Variants in SIN3A observed in about 807,000 individuals in gnomAD.
SIN3A encodes the protein SIN3 transcription regulator family member A, also known as paired amphipathic helix protein Sin3a.
In SIN3A, 14 loss-of-function variants were observed where a neutral mutation model predicts 146.1. The ratio of observed to expected loss-of-function variants is 0.10; its 90% confidence interval spans 0.06 to 0.15. The LOEUF (loss-of-function observed/expected upper bound fraction) is 0.15. Ranked by LOEUF, SIN3A falls within the 10% of genes least tolerant of loss-of-function variation. The pLI is 1.00. For synonymous variants in SIN3A, 572 were observed against 572.0 expected (o/e 1.00, Z 0.00); for missense variants, 1,028 against 1,576.0 (o/e 0.65, Z 5.89).
chr15:75,435,818 A>G (rs2074098101), intron 1 of SIN3A, among the ~76,000 whole-genome samples: 1 of 152,196 alleles, frequency 6.6e-6, no homozygotes, highest in Admixed American at 6.5e-5. Flanking sequence ...CATTGTATGT[A>G]AAATTTGCAT....
intron 2 of SIN3A, among the ~76,000 whole-genome samples, chr15:75,425,559 T>C (rs1012172567): frequency 3.3e-5 from 5 of 152,238 alleles, no homozygotes; most frequent in African/African-American, 1.2e-4. Context: ...TGGTTTGGCC[T>C]CAAACAAATG....
rs1253876533 is a variant in SIN3A, at chr15:75,384,426, G to A, written c.3033C>T (p.Ile1011=). 8.7e-6 allele frequency: 14 copies of A among 1,608,246 alleles called. No homozygotes were observed. Among genetic ancestry groups the A allele is most frequent in the African/African-American group, 4.0e-5 (3 of 74,406 alleles). The change falls in exon 17 of 21, where the codon ATC becomes ATT. Residue 1011 remains isoleucine (I), a synonymous_variant. Transcript: ENST00000394947. Reference sequence around the variant, plus strand: ...CCTGCACACAGATCTCATCACTCACGATATGCTGCAGCTGGAAGCAAACAA... The same window carrying A: ...CCTGCACACAGATCTCATCACTCACAATATGCTGCAGCTGGAAGCAAACAA... ...IQSIVRQLQH[I]VSDEICVQVT... is the part of the protein sequence containing the mutation.
At chr15:75,413,281 C>T (rs1224902700) in intron 4 of SIN3A, among the ~76,000 whole-genome samples, 7 of 151,948 alleles carry the variant, frequency 4.6e-5, no homozygotes, top group African/African-American at 1.2e-4. Context: ...CCACCATACC[C>T]GGCTAATTTT....
rs368478104 is a variant in SIN3A at position 75,396,440 on chromosome 15, C to T, written c.1911G>A (p.Gln637=). The change falls in exon 13 of 21, where the codon CAG becomes CAA. Residue 637 remains glutamine, a synonymous_variant. Transcript: ENST00000394947. The stretch of plus-strand genomic sequence containing the variant: ...CAGCAGACAAGCGGGAAAGCTTCTT[C>T]TGTATTGCTTCCAGAACCCGGATTG... ...LATIRVLEAI[Q]KKLSRLSAEE... The T allele has an allele frequency of 1.1e-5, 18 of 1,614,024 alleles. No homozygotes were observed. The African/African-American group carries it at 2.1e-4, about 19-fold the overall frequency.
In SIN3A at chr15:75,375,716, G is replaced by A. The variant is rs1418463307; in HGVS notation, c.3540C>T (p.Ile1180=). 1.2e-6 allele frequency: 2 copies of A among 1,614,160 alleles called. No homozygotes were observed. Among genetic ancestry groups the A allele is most frequent in the Non-Finnish European group, 1.7e-6 (2 of 1,180,012 alleles). ...KLNSYKMVYV[I]KSEDYMYRRT... ...TCCGATACATATAGTCCTCTGATTT[G>A]ATCACATACACCATCTTGTAGGAAT... The change falls in exon 20 of 21, where the codon ATC becomes ATT. Residue 1180 remains isoleucine, a synonymous_variant. Transcript: ENST00000394947.
chr15:75,445,508 TTGTG>T (rs1567431288), intron 1 of SIN3A, among the ~76,000 whole-genome samples: 1 of 148,670 alleles, frequency 6.7e-6, no homozygotes, highest in East Asian at 2.0e-4. Flanking sequence ...TGAGCTGAGA[TTGTG>T]CCAAGCCGAG....
At chr15:75,409,313 A>G (rs2073581710) in intron 8 of SIN3A, among the ~76,000 whole-genome samples, 1 of 152,186 alleles carries the variant, frequency 6.6e-6, no homozygotes, top group African/African-American at 2.4e-5. Flanking sequence ...AGAACTCAGA[A>G]AAGTACAGTA....
At chr15:75,377,325 T>C (rs896958128) in intron 19 of SIN3A, among the ~76,000 whole-genome samples, 4 of 152,126 alleles carry the variant, frequency 2.6e-5, no homozygotes, top group African/African-American at 9.7e-5. Context: ...CCAGTTTCAC[T>C]TAAGAATGTT....
At chr15:75,397,545 C>T (rs778853323) in intron 12 of SIN3A, among the ~76,000 whole-genome samples, 43 of 152,270 alleles carry the variant, frequency 2.8e-4, no homozygotes, top group Admixed American at 3.9e-4. Context: ...TTCTGATATG[C>T]CAAATCCCCT....
At chr15:75,444,979 C>A (rs1043134093) in intron 1 of SIN3A, among the ~76,000 whole-genome samples, 1 of 150,808 alleles carries the variant, frequency 6.6e-6, no homozygotes, top group African/African-American at 2.4e-5. Context: ...CCTGTAATCT[C>A]AGCACTTTGG....
chr15:75,392,182 G>A, intron 15 of SIN3A, 60 bp downstream of exon 15: 1 of 1,457,268 alleles, frequency 6.9e-7, no homozygotes, highest in Non-Finnish European at 9.4e-7. Context: ...CCCAAGTCTA[G>A]GTGGCTCTAA....
chr15:75,418,679 CT>C (rs1206034185), intron 3 of SIN3A, among the ~76,000 whole-genome samples: 1 of 152,006 alleles, frequency 6.6e-6, no homozygotes, highest in African/African-American at 2.4e-5. Context: ...GAGAAATAAA[CT>C]GCTATTATTT....
rs547041160 is a variant in SIN3A, at chr15:75,401,814, A to G, written c.1526+38T>C. 3 of 1,190,146 alleles carry G rather than the reference A, an allele frequency of 2.5e-6. No homozygotes were observed. The South Asian group carries it at 3.7e-5, about 15-fold the overall frequency. The allele number at this position is 1,190,146 out of a possible 1,614,324, so 73.7% of individuals were successfully genotyped here. ...ACAAATCAAACATTACCTGGTCTCC[A>G]TATCATGCATCAGGGCTAAGCCCCT... On this transcript the variant is annotated intron_variant, in intron 10 of 20. Coordinates refer to ENST00000394947, the MANE Select transcript of SIN3A (RefSeq NM_001145358.2).
At chr15:75,374,183 CTT>C (rs1228239090) in intron 20 of SIN3A, among the ~76,000 whole-genome samples, 2 of 152,236 alleles carry the variant, frequency 1.3e-5, no homozygotes, top group Admixed American at 1.3e-4. Context: ...AACACCATCT[CTT>C]GTCAATTAAA....
At chr15:75,409,685 C>A in intron 8 of SIN3A, 151 bp downstream of exon 8, 1 of 767,220 alleles carries the variant, frequency 1.3e-6, no homozygotes, top group Non-Finnish European at 2.1e-6. Flanking sequence ...CGAGATCGTG[C>A]CACTGCACTC....
chr15:75,422,160 C>G (rs2073850513), intron 3 of SIN3A: 1 of 182,008 alleles, frequency 5.5e-6, no homozygotes, highest in African/African-American at 2.4e-5. Context: ...ATGGGAGAAT[C>G]ACTTGAGGCC....
chr15:75,399,050 A>T (rs1452138820), intron 12 of SIN3A, among the ~76,000 whole-genome samples: 1 of 151,770 alleles, frequency 6.6e-6, no homozygotes, highest in Non-Finnish European at 1.5e-5. Flanking sequence ...AAAAAAAAAA[A>T]ATTTACCCAG....
Position 75,382,981 on chromosome 15 carries a change from G to A in SIN3A, c.3196-1276C>T, listed in dbSNP as rs141271368. On this transcript the variant is annotated intron_variant, in intron 17 of 20. Transcript: ENST00000394947. Reference sequence around the variant, plus strand: ...ACGTGTCTGTAATCCCAGCTACTCAGGAGGCCGAGGCAGGAGAACTGCTTG... The same window carrying A: ...ACGTGTCTGTAATCCCAGCTACTCAAGAGGCCGAGGCAGGAGAACTGCTTG... Among the ~76,000 whole-genome samples the A allele has an allele frequency of 1.8e-3, 267 of 152,242 alleles. 1 individual carries two copies. Among genetic ancestry groups the A allele is most frequent in the African/African-American group, 6.1e-3 (254 of 41,522 alleles).
At chr15:75,382,923 A>C (rs1243527160) in intron 17 of SIN3A, among the ~76,000 whole-genome samples, 1 of 151,878 alleles carries the variant, frequency 6.6e-6, no homozygotes, top group African/African-American at 2.4e-5. Flanking sequence ...TCTCTACTAA[A>C]CACACACACC....
Sources: gnomAD v4.1 joint callset for allele counts (sites outside exome capture counted in the v4.1 genomes callset) on GRCh38, gnomAD v4.1.1 for gene constraint, MANE v1.5 for transcripts, NCBI Gene and HGNC (gene_info 2026-07-23, HGNC 2026-07-21) for gene names.